FCHSD2: variants seen among roughly 807,000 people sequenced by gnomAD.
FCHSD2 encodes FCH and double SH3 domains 2.
In FCHSD2, 38 loss-of-function variants were observed where a neutral mutation model predicts 108.1. The ratio of observed to expected loss-of-function variants is 0.35; its 90% CI spans 0.27 to 0.46. The LOEUF (loss-of-function observed/expected upper bound fraction) is 0.46. Among genes scored for constraint, FCHSD2 ranks in the 20% least tolerant of loss-of-function variants. The pLI is 1.00. For synonymous variants in FCHSD2, 279 were observed against 314.7 expected, an observed-to-expected ratio of 0.89 and a Z score of 1.20; for missense variants, 751 against 897.8, an observed-to-expected ratio of 0.84 and a Z score of 2.09.
chr11:73,048,715 T>G (rs1858823469), intron 3 of FCHSD2, among the ~76,000 whole-genome samples: 1 of 152,124 alleles, frequency 6.6e-6, no homozygotes, highest in Non-Finnish European at 1.5e-5. Flanking sequence ...CAATTCCATC[T>G]CCATTCTACT....
At chr11:72,973,377 A>G (rs924347778) in intron 8 of FCHSD2, among the ~76,000 whole-genome samples, 1 of 152,110 alleles carries the variant, frequency 6.6e-6, no homozygotes, top group Non-Finnish European at 1.5e-5. Context: ...CAAAAAAAAA[A>G]GAAAGAAAAG....
intron 3 of FCHSD2, among the ~76,000 whole-genome samples, chr11:73,038,927 T>C (rs986111557): frequency 1.3e-5 from 2 of 152,168 alleles, no homozygotes; most frequent in Non-Finnish European, 2.9e-5. Context: ...TTAGTGTTCT[T>C]TTTCCAGTAC....
At chr11:73,087,756 G>A (rs1441210139) in intron 2 of FCHSD2, among the ~76,000 whole-genome samples, 2 of 151,938 alleles carry the variant, frequency 1.3e-5, no homozygotes, top group Admixed American at 6.6e-5. Context: ...TAAGTGTATA[G>A]TGTAATAAAT....
intron 8 of FCHSD2, among the ~76,000 whole-genome samples, chr11:72,943,852 T>A (rs1340177273): frequency 6.6e-6 from 1 of 152,224 alleles, no homozygotes; most frequent in Non-Finnish European, 1.5e-5. Context: ...TTCTAAGGCA[T>A]GTTCAAATAT....
chr11:72,961,127 A>G (rs1350936646), intron 8 of FCHSD2, among the ~76,000 whole-genome samples: 1 of 152,132 alleles, frequency 6.6e-6, no homozygotes, highest in Non-Finnish European at 1.5e-5. Context: ...TTTAATATTC[A>G]GTTTTAAAAT....
At chr11:73,134,919 A>C (rs1456603454) in intron 2 of FCHSD2, among the ~76,000 whole-genome samples, 1 of 152,138 alleles carries the variant, frequency 6.6e-6, no homozygotes, top group African/African-American at 2.4e-5. Flanking sequence ...ATCTCAGCTC[A>C]CTGCAACCTC....
Position 73,083,568 on chromosome 11 carries a change from A to AC in FCHSD2, c.165+126_165+127insG, listed in dbSNP as rs1859747559. The AC allele has an allele frequency of 1.2e-5, 8 of 642,464 alleles. No homozygotes were observed. The East Asian group carries it at 1.7e-4, about 13-fold the overall frequency. The allele number at this position is 642,464 out of a possible 1,614,324, so 39.8% of individuals were successfully genotyped here. On this transcript the variant is annotated intron_variant, in intron 3 of 19. Transcript: ENST00000409418. The stretch of plus-strand genomic sequence containing the variant: ...ATCTCAGAAAAAAAGAAAAAAAAAA[A>AC]AACAAGAAAGAAATAACAAGAAAAG...
Position 72,937,749 on chromosome 11 carries a change from T to C in FCHSD2, c.706-15799A>G, listed in dbSNP as rs7930752. On this transcript the variant is annotated intron_variant, in intron 8 of 19. Coordinates refer to ENST00000409418, the MANE Select transcript of FCHSD2 (RefSeq NM_014824.3). ...ATAACCATGAGAACCTGGGCAAGCA[T>C]TGGAAACAAACAAACAGGATAATTT... Among the ~76,000 whole-genome samples the C allele has an allele frequency of 5.1e-3, 772 of 152,248 alleles. 4 individuals carry two copies. Among genetic ancestry groups the C allele is most frequent in the African/African-American group, 0.018 (748 of 41,544 alleles).
intron 8 of FCHSD2, among the ~76,000 whole-genome samples, chr11:72,945,105 CA>C (rs1856493317): frequency 1.3e-5 from 2 of 152,042 alleles, no homozygotes; most frequent in South Asian, 4.1e-4. Flanking sequence ...AATCCTAAGC[CA>C]AAAGAACAAA....
intron 2 of FCHSD2, among the ~76,000 whole-genome samples, chr11:73,093,678 C>A (rs1473718571): frequency 1.3e-5 from 2 of 151,952 alleles, no homozygotes; most frequent in Non-Finnish European, 2.9e-5. Context: ...CTTGGCTCAC[C>A]ACAACCTCCG....
In FCHSD2 at chr11:72,880,965, G is replaced by C. The variant is rs147740939; in HGVS notation, c.1146+6505C>G. On this transcript the variant is annotated intron_variant, in intron 12 of 19. Coordinates refer to ENST00000409418, the MANE Select transcript of FCHSD2 (RefSeq NM_014824.3). Reference sequence around the variant, plus strand: ...CATAGGGGAAATGCTTCTGGACATTGGTCAAGGGAGATTTTTATGGCTGAG... The same window carrying C: ...CATAGGGGAAATGCTTCTGGACATTCGTCAAGGGAGATTTTTATGGCTGAG... Among the ~76,000 whole-genome samples, 142 of 151,940 alleles carry C rather than the reference G, an allele frequency of 9.3e-4. 1 individual carries two copies. Among genetic ancestry groups the C allele is most frequent in the Middle Eastern group, 3.4e-3 (1 of 292 alleles).
chr11:72,843,255 A>C lies in FCHSD2; in HGVS notation c.1601T>G (p.Leu534Arg), dbSNP rs1226930320. The C allele has an allele frequency of 1.4e-5, 23 of 1,614,042 alleles. No individual in the cohort carries two copies. The highest frequency in any genetic ancestry group is 1.9e-5 in the Non-Finnish European group (22 of 1,179,894). ...AGCGGCCAGGGACTGCAGCATGCTC[A>C]GGAGGCTGTTCGAGGTGGGAAACTG... ...YLQFPTSNSL[L>R]SMLQSLAALD... The change falls in exon 16 of 20, where the codon CTG becomes CGG. Residue 534 changes from leucine (L) to arginine (R), a missense_variant. Coordinates refer to ENST00000409418, the MANE Select transcript of FCHSD2 (RefSeq NM_014824.3).
chr11:73,071,286 G>A (rs1859429596), intron 3 of FCHSD2, among the ~76,000 whole-genome samples: 1 of 152,114 alleles, frequency 6.6e-6, no homozygotes, highest in Non-Finnish European at 1.5e-5. Flanking sequence ...AATGGAGGCT[G>A]TTGAAAATAA....
chr11:73,107,258 T>C (rs562346779), intron 2 of FCHSD2, among the ~76,000 whole-genome samples: 22 of 152,304 alleles, frequency 1.4e-4, no homozygotes, highest in Admixed American at 2.6e-4. Flanking sequence ...TTTCACCATG[T>C]TGGCCAGGAT....
At chr11:73,009,295 G>A (rs1451399076) in intron 4 of FCHSD2, among the ~76,000 whole-genome samples, 2 of 152,072 alleles carry the variant, frequency 1.3e-5, no homozygotes, top group Admixed American at 1.3e-4. Flanking sequence ...CAAAGAGTTT[G>A]AGACCAGCCT....
intron 3 of FCHSD2, among the ~76,000 whole-genome samples, chr11:73,070,662 G>C (rs1446402475): frequency 2.6e-5 from 4 of 151,902 alleles, no homozygotes; most frequent in Non-Finnish European, 5.9e-5. Flanking sequence ...CTGGCCTCAA[G>C]TGATCTGCCC....
At chr11:73,018,273 C>T (rs1858017995) in intron 3 of FCHSD2, among the ~76,000 whole-genome samples, 1 of 152,152 alleles carries the variant, frequency 6.6e-6, no homozygotes, top group Non-Finnish European at 1.5e-5. Flanking sequence ...TAAGCTAGTT[C>T]TCCAAGGAAT....
chr11:72,903,679 C>T (rs776342140), intron 9 of FCHSD2, among the ~76,000 whole-genome samples: 7 of 152,088 alleles, frequency 4.6e-5, no homozygotes, highest in African/African-American at 1.4e-4. Context: ...GCTACCATAT[C>T]GCTTACCCCT....
intron 10 of FCHSD2, among the ~76,000 whole-genome samples, chr11:72,897,254 ATATCTGTGGGTTCTG>A (rs1228905275): frequency 1.3e-5 from 2 of 151,572 alleles, no homozygotes; most frequent in Admixed American, 6.6e-5. Context: ...TTGTCCTTCC[ATATCTGTGGGTTCTG>A]TATCTGTGGA....
Sources: allele counts gnomAD v4.1 joint callset (sites outside exome capture counted in the v4.1 genomes callset), GRCh38; gene constraint gnomAD v4.1.1; transcripts MANE v1.5; gene names NCBI Gene and HGNC (gene_info 2026-07-23, HGNC 2026-07-21).